EYS: variants seen among roughly 807,000 people sequenced by gnomAD.
EYS encodes protein eyes shut homolog.
Under a neutral mutation model 282.1 loss-of-function variants are expected in EYS, and 250 were observed. The observed-to-expected ratio is 0.89, with a 90% confidence interval of 0.80 to 0.98. The LOEUF (loss-of-function observed/expected upper bound fraction) is 0.98. Ranked by LOEUF, EYS falls within the 50% of genes least tolerant of loss-of-function variation. The pLI is 0.00. For missense variants in EYS, 4,016 were observed against 3,709.0 expected (o/e 1.08, Z -2.15); for synonymous variants, 1,355 against 1,282.9 (o/e 1.06, Z -1.20).
chr6:63,965,848 A>G (rs781087165), intron 35 of EYS, among the ~76,000 whole-genome samples: 2 of 152,200 alleles, frequency 1.3e-5, no homozygotes, highest in Non-Finnish European at 2.9e-5. Context: ...AATAGTAAAT[A>G]TCACGAGTGC....
At chr6:64,925,604 T>C (rs890806615) in intron 15 of EYS, among the ~76,000 whole-genome samples, 1 of 152,136 alleles carries the variant, frequency 6.6e-6, no homozygotes, top group South Asian at 2.1e-4. Context: ...ATGAAGTAGA[T>C]CTTAAGGCCA....
intron 31 of EYS, among the ~76,000 whole-genome samples, chr6:64,098,001 G>T (rs943451810): frequency 6.6e-6 from 1 of 152,150 alleles, no homozygotes; most frequent in Admixed American, 6.5e-5. Flanking sequence ...CTTTCAGACT[G>T]GAAAAATAAA....
intron 12 of EYS, among the ~76,000 whole-genome samples, chr6:65,187,350 T>G (rs1014876208): frequency 2.4e-4 from 36 of 151,828 alleles, no homozygotes; most frequent in African/African-American, 8.4e-4. Flanking sequence ...AGATTTCTTC[T>G]TACAGTTTTT....
At chr6:63,937,632 C>T (rs1581999303) in intron 35 of EYS, among the ~76,000 whole-genome samples, 1 of 151,774 alleles carries the variant, frequency 6.6e-6, no homozygotes, top group Non-Finnish European at 1.5e-5. Flanking sequence ...CCGCTCGCCT[C>T]GGCCTCCCAA....
chr6:65,012,967 A>T (rs1049504176), intron 13 of EYS, among the ~76,000 whole-genome samples: 3 of 152,148 alleles, frequency 2.0e-5, no homozygotes, highest in Non-Finnish European at 4.4e-5. Context: ...TTCTGAAACT[A>T]TTATGAGATT....
intron 12 of EYS, among the ~76,000 whole-genome samples, chr6:65,253,414 G>A (rs1459969083): frequency 1.3e-5 from 2 of 151,720 alleles, no homozygotes; most frequent in East Asian, 1.9e-4. Flanking sequence ...AAAATTAAAC[G>A]CCCACTGAGG....
intron 26 of EYS, among the ~76,000 whole-genome samples, chr6:64,538,408 C>G (rs1764595185): frequency 6.6e-6 from 1 of 152,096 alleles, no homozygotes; most frequent in African/African-American, 2.4e-5. Flanking sequence ...TAGGCAAATT[C>G]TATAATTGGT....
At chr6:65,363,056 C>T (rs1455615862) in intron 8 of EYS, among the ~76,000 whole-genome samples, 1 of 152,002 alleles carries the variant, frequency 6.6e-6, no homozygotes. Context: ...TTTGCCATGA[C>T]ATTACACCTT....
At chr6:64,269,056 G>A (rs1767857128) in intron 30 of EYS, among the ~76,000 whole-genome samples, 1 of 152,112 alleles carries the variant, frequency 6.6e-6, no homozygotes, top group Admixed American at 6.6e-5. Flanking sequence ...TTCTATTAGA[G>A]AATCAGTAAT....
intron 5 of EYS, among the ~76,000 whole-genome samples, chr6:65,468,594 C>T (rs1403277070): frequency 6.6e-6 from 1 of 152,004 alleles, no homozygotes; most frequent in Non-Finnish European, 1.5e-5. Flanking sequence ...CATTATGACT[C>T]TTATGTATTC....
intron 1 of EYS, among the ~76,000 whole-genome samples, chr6:65,669,381 C>T (rs189149939): frequency 2.0e-5 from 3 of 152,118 alleles, no homozygotes; most frequent in East Asian, 3.9e-4. Flanking sequence ...AGGCATCAGA[C>T]TCTCTGTACA....
chr6:63,729,061 A>G (rs1001771815), intron 41 of EYS, among the ~76,000 whole-genome samples: 1 of 152,120 alleles, frequency 6.6e-6, no homozygotes, highest in Admixed American at 6.6e-5. Flanking sequence ...TATAATTTGT[A>G]ATTTCCTAAT....
chr6:65,381,570 T>C (rs189053448), intron 8 of EYS, among the ~76,000 whole-genome samples: 104 of 152,100 alleles, frequency 6.8e-4, no homozygotes, highest in African/African-American at 2.5e-3. Flanking sequence ...ACCACCATAG[T>C]ACATGTATAC....
chr6:64,001,885 C>G (rs1768111317), intron 33 of EYS, among the ~76,000 whole-genome samples: 2 of 152,132 alleles, frequency 1.3e-5, no homozygotes, highest in Admixed American at 1.3e-4. Flanking sequence ...CAGGGAAGTG[C>G]TGGGTAGAGA....
chr6:63,778,505 A>G (rs546495563), intron 39 of EYS, among the ~76,000 whole-genome samples: 99 of 152,274 alleles, frequency 6.5e-4, no homozygotes, highest in Non-Finnish European at 1.3e-3. Context: ...AAAAAGTTGA[A>G]CATCATAAAT....
At chr6:64,897,894 C>A (rs963613213) in intron 18 of EYS, among the ~76,000 whole-genome samples, 6 of 151,928 alleles carry the variant, frequency 3.9e-5, no homozygotes, top group Non-Finnish European at 8.8e-5. Flanking sequence ...AGCAAGAAGA[C>A]AAGATTAGAG....
At chr6:64,182,405 G>A (rs568070931) in intron 31 of EYS, among the ~76,000 whole-genome samples, 69 of 152,220 alleles carry the variant, frequency 4.5e-4, no homozygotes, top group Non-Finnish European at 8.5e-4. Context: ...TGAGGAGTCT[G>A]TGTTCCTCTG....
intron 31 of EYS, among the ~76,000 whole-genome samples, chr6:64,105,709 C>T (rs1162907152): frequency 2.0e-5 from 3 of 152,110 alleles, no homozygotes; most frequent in African/African-American, 7.2e-5. Context: ...TTCAGATTGA[C>T]TTCTTCCATT....
At chr6:64,035,789 T>A (rs1380805179) in intron 33 of EYS, among the ~76,000 whole-genome samples, 2 of 152,216 alleles carry the variant, frequency 1.3e-5, no homozygotes, top group African/African-American at 4.8e-5. Flanking sequence ...GCTTTAAAAA[T>A]TTTTAATTTT....
Sources: allele counts gnomAD v4.1 joint callset (sites outside exome capture counted in the v4.1 genomes callset), GRCh38; gene constraint gnomAD v4.1.1; transcripts MANE v1.5; gene names NCBI Gene and HGNC (gene_info 2026-07-23, HGNC 2026-07-21).